PDE1A: variants seen among roughly 807,000 people sequenced by gnomAD.
The protein encoded by PDE1A is dual specificity calcium/calmodulin-dependent 3',5'-cyclic nucleotide phosphodiesterase 1A.
PDE1A carries 35 observed loss-of-function variants against 61.7 expected under a neutral mutation model. That is an observed-to-expected ratio of 0.57 (90% CI 0.43 to 0.75). PDE1A has a LOEUF of 0.75. Ranked by LOEUF, PDE1A falls within the 30% of genes least tolerant of loss-of-function variation. The pLI, the probability that PDE1A is intolerant of heterozygous loss-of-function variation, is 0.00. For synonymous variants in PDE1A, 232 were observed against 213.2 expected (o/e 1.09, Z -0.77); for missense variants, 597 against 630.6 (o/e 0.95, Z 0.57).
At chr2:182,198,770 G>A (rs1020562555) in intron 10 of PDE1A, among the ~76,000 whole-genome samples, 16 of 151,758 alleles carry the variant, frequency 1.1e-4, no homozygotes, top group African/African-American at 3.9e-4. Flanking sequence ...GGCAGATGTG[G>A]ATGTGTAATT....
chr2:182,210,988 G>A (rs777572240), intron 7 of PDE1A, among the ~76,000 whole-genome samples: 2 of 152,144 alleles, frequency 1.3e-5, no homozygotes, highest in African/African-American at 2.4e-5. Flanking sequence ...CCTTCTTGCT[G>A]TATCATCAAA....
chr2:182,225,663 T>A (rs1346707999), intron 6 of PDE1A, among the ~76,000 whole-genome samples: 1 of 139,260 alleles, frequency 7.2e-6, no homozygotes, highest in African/African-American at 3.4e-5. Context: ...CTATGGGGTT[T>A]AAAAAGAAGT....
the PDE1A span, among the ~76,000 whole-genome samples, chr2:182,528,877 A>G: frequency 0.068 from 10,428 of 152,274 alleles, 392 homozygotes; most frequent in Middle Eastern, 0.1. Context: ...GTGCACAGAA[A>G]TCAAGAATTG....
At chr2:182,449,947 A>G (rs1191844577) in intron 2 of PDE1A, among the ~76,000 whole-genome samples, 3 of 152,110 alleles carry the variant, frequency 2.0e-5, no homozygotes, top group Non-Finnish European at 4.4e-5. Flanking sequence ...GACTTCAGCT[A>G]TTATACCAAA....
chr2:182,557,703 C>A, the PDE1A span, among the ~76,000 whole-genome samples: 664 of 151,790 alleles, frequency 4.4e-3, 2 homozygotes, highest in African/African-American at 0.015. Flanking sequence ...CAGAGCAAGA[C>A]CCTATCTCAA....
intron 1 of PDE1A, among the ~76,000 whole-genome samples, chr2:182,332,262 C>T (rs1213091145): frequency 6.6e-6 from 1 of 152,024 alleles, no homozygotes; most frequent in African/African-American, 2.4e-5. Flanking sequence ...AACCTTTTTT[C>T]AAGGTTCTTA....
intron 6 of PDE1A, among the ~76,000 whole-genome samples, chr2:182,227,524 T>G (rs539180419): frequency 6.6e-6 from 1 of 152,206 alleles, no homozygotes; most frequent in African/African-American, 2.4e-5. Flanking sequence ...TTGCTGTAAG[T>G]TACCAGTATA....
chr2:182,148,329 C>T (rs1015440228), intron 13 of PDE1A, among the ~76,000 whole-genome samples: 3 of 152,150 alleles, frequency 2.0e-5, no homozygotes, highest in Non-Finnish European at 4.4e-5. Flanking sequence ...CTTGCTTGCT[C>T]TCCCTCCACT....
rs556206658 is a variant in PDE1A, at chr2:182,468,946, G to A, written c.101+53330C>T. Among the ~76,000 whole-genome samples the A allele has an allele frequency of 1.3e-3, 197 of 152,044 alleles. 1 individual carries two copies. The highest frequency in any genetic ancestry group is 4.6e-3 in the African/African-American group (191 of 41,522). ...TCTGAGCAGTAGGTCTTAACAGTGGGCTGAAAATTTTCAGTAAACCTTGCT... is the reference window on the plus strand; with the variant it reads ...TCTGAGCAGTAGGTCTTAACAGTGGACTGAAAATTTTCAGTAAACCTTGCT... On this transcript the variant is annotated intron_variant, in intron 2 of 14. Transcript: ENST00000410103.
intron 1 of PDE1A, among the ~76,000 whole-genome samples, chr2:182,334,265 GAGACAC>G (rs978612215): frequency 6.7e-6 from 1 of 149,052 alleles, no homozygotes; most frequent in Non-Finnish European, 1.5e-5. Context: ...AACCCTGGAA[GAGACAC>G]ACACACACAC....
rs73041885 is a variant in PDE1A at position 182,188,498 on chromosome 2, G to T, written c.1207+481C>A. 7.2e-3 allele frequency among the ~76,000 whole-genome samples: 1,101 copies of T among 152,256 alleles called. 11 individuals are homozygous for T. The highest frequency in any genetic ancestry group is 0.024 in the African/African-American group (1,008 of 41,544). On this transcript the variant is annotated intron_variant, in intron 11 of 13. Coordinates refer to ENST00000351439, the Ensembl canonical transcript of PDE1A. ...AGATGATAAGAATGAATGTGGTTGG[G>T]AGCATTATCATTTTGCAAATTTCCT...
downstream of PDE1A, among the ~76,000 whole-genome samples, chr2:182,163,767 T>G (rs911661871): frequency 6.6e-6 from 1 of 152,112 alleles, no homozygotes; most frequent in Non-Finnish European, 1.5e-5. Flanking sequence ...AAACTGCTAG[T>G]TATGAGTGGG....
At chr2:182,185,749 T>C (rs1345023288) in intron 13 of PDE1A, 143 bp downstream of exon 13, 1 of 1,459,826 alleles carries the variant, frequency 6.9e-7, no homozygotes, top group South Asian at 1.3e-5. Context: ...TTCTCATGAA[T>C]GATCAAAGAG....
intron 13 of PDE1A, among the ~76,000 whole-genome samples, chr2:182,147,936 A>C (rs1010361971): frequency 2.0e-5 from 3 of 152,224 alleles, no homozygotes; most frequent in African/African-American, 4.8e-5. Context: ...CCTTTAACAT[A>C]TATTGTAGCA....
intron 1 of PDE1A, among the ~76,000 whole-genome samples, chr2:182,264,878 C>CATATAT (rs148358464): frequency 0.011 from 1,200 of 106,862 alleles, 92 homozygotes; most frequent in African/African-American, 0.041. Flanking sequence ...TATATATATA[C>CATATAT]ATATATATAT....
chr2:182,279,937 C>T (rs1693691400), intron 1 of PDE1A, among the ~76,000 whole-genome samples: 1 of 151,778 alleles, frequency 6.6e-6, no homozygotes, highest in African/African-American at 2.4e-5. Context: ...CTGGATACCA[C>T]CTATTGGCCT....
exon 1 of PDE1A, chr2:182,427,002 A>G (rs1418932789): frequency 1.0e-6 from 1 of 1,003,680 alleles, no homozygotes; most frequent in South Asian, 4.5e-5. Flanking sequence ...CAGCCATGAG[A>G]GCTCTCCTTC....
the PDE1A span, among the ~76,000 whole-genome samples, chr2:182,551,766 C>G: frequency 3.3e-5 from 5 of 152,242 alleles, no homozygotes; most frequent in East Asian, 3.9e-4. Context: ...TGGTGGCAAG[C>G]CTACAAGTGT....
intron 1 of PDE1A, among the ~76,000 whole-genome samples, chr2:182,277,067 G>T (rs1474047118): frequency 6.6e-6 from 1 of 152,020 alleles, no homozygotes; most frequent in African/African-American, 2.4e-5. Flanking sequence ...TTCTAATTTT[G>T]CCCTTTGCCT....
Sources: gnomAD v4.1 joint callset for allele counts (sites outside exome capture counted in the v4.1 genomes callset) on GRCh38, gnomAD v4.1.1 for gene constraint, MANE v1.5 for transcripts, NCBI Gene and HGNC (gene_info 2026-07-23, HGNC 2026-07-21) for gene names.